Variants in PLXNB1 observed in about 807,000 individuals in gnomAD.
PLXNB1 encodes the protein plexin-B1.
In PLXNB1, 106 loss-of-function variants were observed where a neutral mutation model predicts 209.4. The observed-to-expected ratio is 0.51, with a 90% confidence interval of 0.43 to 0.59. The LOEUF is 0.59. Ranked by LOEUF, PLXNB1 falls within the 20% of genes least tolerant of loss-of-function variation. PLXNB1 has a pLI of 0.00. For missense variants in PLXNB1, 2,357 were observed against 2,853.2 expected (o/e 0.83, Z 3.96); for synonymous variants, 1,167 against 1,183.2 (o/e 0.99, Z 0.28).
In PLXNB1 at chr3:48,411,144, C is replaced by T. The variant is rs1466807295; in HGVS notation, c.5248-108G>A. 4.4e-5 allele frequency: 39 copies of T among 887,550 alleles called. No individual in the cohort carries two copies. The highest frequency in any genetic ancestry group is 3.4e-4 in the Middle Eastern group (1 of 2,940). The allele number at this position is 887,550 out of a possible 1,614,324, so 55.0% of individuals were successfully genotyped here. On this transcript the variant is annotated intron_variant, in intron 28 of 37. Coordinates refer to ENST00000296440, the MANE Select transcript of PLXNB1 (RefSeq NM_001130082.3). This position sits in a 1 kb window ranked among gnomAD's most constrained non-coding sequence, Gnocchi z 4.0. ...GAGAAACTGCTGCCTCCAATCCCCA[C>T]GCACCACACAATCCCTAATTCTCGT...
intron 8 of PLXNB1, 72 bp downstream of exon 8, chr3:48,421,156 C>A: frequency 6.5e-7 from 1 of 1,537,058 alleles, no homozygotes; most frequent in Non-Finnish European, 8.8e-7. Flanking sequence ...TGCCTGGATT[C>A]ACACTTTAAC....
At chr3:48,414,720 C>T in intron 21 of PLXNB1, 79 bp downstream of exon 21, 1 of 1,535,620 alleles carries the variant, frequency 6.5e-7, no homozygotes, top group Non-Finnish European at 8.8e-7. Flanking sequence ...ACTGTCTCGG[C>T]CTCTCCGCCA....
In PLXNB1 at chr3:48,406,088, C is replaced by T. The variant is rs2037303362; in HGVS notation, c.6229-290G>A. 1 of 362,326 alleles carries T rather than the reference C, an allele frequency of 2.8e-6. No individual in the cohort carries two copies. The highest frequency in any genetic ancestry group is 5.3e-6 in the Non-Finnish European group (1 of 189,266). 22.4% of individuals were successfully genotyped at this position (362,326 alleles called of 1,614,324 possible). A position where few individuals can be genotyped will look rare whatever the true frequency, so the allele number is the denominator to read the frequency against. On this transcript the variant is annotated intron_variant, in intron 36 of 37. Coordinates refer to ENST00000296440, the MANE Select transcript of PLXNB1 (RefSeq NM_001130082.3). This position sits in a 1 kb window ranked among gnomAD's most constrained non-coding sequence, Gnocchi z 4.4. ...GTTTCCACTGAAGCCCTGCCTCTCT[C>T]ACCCCCTTGAGGTTCTAGCCCAGAC...
At position 48,410,926 on chromosome 3, in the gene PLXNB1, G is replaced by A. The variant is rs2037641266; in HGVS notation, c.5358C>T (p.Asp1786=). 6.2e-7 allele frequency: 1 copy of A among 1,613,658 alleles called. No individual in the cohort carries two copies. Among genetic ancestry groups the A allele is most frequent in the Non-Finnish European group, 8.5e-7 (1 of 1,179,894 alleles). The change falls in exon 29 of 38, where the codon GAC becomes GAT. Residue 1786 remains aspartate (D), a synonymous_variant. Coordinates refer to ENST00000296440, the MANE Select transcript of PLXNB1 (RefSeq NM_001130082.3). The surrounding 1 kb of genome is among the most constrained non-coding windows in gnomAD (Gnocchi z 6.4). Reference sequence around the variant, plus strand: ...TGAGAGGCACTCCTTTATAAAGCTGGTCCAGCATCTTCTCCTTTGCCTGGG... The same window carrying A: ...TGAGAGGCACTCCTTTATAAAGCTGATCCAGCATCTTCTCCTTTGCCTGGG... ...TISQAKEKML[D]QLYKGVPLTQ... is the part of the protein sequence containing the mutation.
At position 48,410,167 on chromosome 3, in the gene PLXNB1, A is replaced by G. The variant is rs2037578549; in HGVS notation, c.5606-90T>C. 5.4e-6 allele frequency: 8 copies of G among 1,474,784 alleles called. No individual in the cohort carries two copies. The South Asian group carries it at 9.3e-5, about 17-fold the overall frequency. 91.4% of individuals were successfully genotyped at this position (1,474,784 alleles called of 1,614,324 possible). A position where few individuals can be genotyped will look rare whatever the true frequency, so the allele number is the denominator to read the frequency against. On this transcript the variant is annotated intron_variant, in intron 31 of 37. Transcript: ENST00000296440. This position sits in a 1 kb window ranked among gnomAD's most constrained non-coding sequence, Gnocchi z 6.4. ...TGCCAGCTCTCCCAGGGGTGGGGGC[A>G]CCTGGTTGAGGGATTTCCTGGGCCG...
In PLXNB1 at chr3:48,420,653, A is replaced by G. The variant is rs753075371; in HGVS notation, c.2028+12T>C. The G allele has an allele frequency of 2.5e-6, 4 of 1,608,994 alleles. No homozygotes were observed. The highest frequency in any genetic ancestry group is 3.4e-6 in the Non-Finnish European group (4 of 1,175,856). The stretch of plus-strand genomic sequence containing the variant: ...ACCCCCCCGGTATGGCCCAGCCCAA[A>G]GTCACACTCACCTGATGGCTTGCAA... On this transcript the variant is annotated intron_variant, in intron 10 of 37. Transcript: ENST00000296440.
intron 34 of PLXNB1, 63 bp from the exon 35 acceptor site, chr3:48,407,154 G>C: frequency 1.4e-6 from 2 of 1,451,852 alleles, no homozygotes; most frequent in South Asian, 2.3e-5. Flanking sequence ...CTGTTCGAGT[G>C]ATCAAGTGTC....
At chr3:48,426,377 C>A (rs1364555910) in intron 1 of PLXNB1, among the ~76,000 whole-genome samples, 1 of 152,238 alleles carries the variant, frequency 6.6e-6, no homozygotes, top group African/African-American at 2.4e-5. Flanking sequence ...AGTGCTGGGA[C>A]AGACAATGCA....
At chr3:48,426,360 T>C (rs900618827) in intron 1 of PLXNB1, among the ~76,000 whole-genome samples, 1 of 152,150 alleles carries the variant, frequency 6.6e-6, no homozygotes, top group South Asian at 2.1e-4. Flanking sequence ...AGCACCAAGG[T>C]TGGTGAAGTG....
rs765214919 is a variant in PLXNB1 at position 48,422,477 on chromosome 3, A to G, written c.1291-18T>C. ...AAGTAGACCTGGGATCAGAGACCAC[A>G]GGGTCTGGGACCCAAGTCCATGGCC... On this transcript the variant is annotated intron_variant, in intron 4 of 37. Transcript: ENST00000296440. The G allele has an allele frequency of 1.3e-6, 2 of 1,564,636 alleles. No individual in the cohort carries two copies. The highest frequency in any genetic ancestry group is 8.6e-7 in the Non-Finnish European group (1 of 1,157,026).
chr3:48,408,282 G>A (rs1357625644), intron 34 of PLXNB1, among the ~76,000 whole-genome samples: 2 of 152,190 alleles, frequency 1.3e-5, no homozygotes, highest in Non-Finnish European at 2.9e-5. Context: ...CCAAAGTGCT[G>A]GGATTCTAGG....
At position 48,409,779 on chromosome 3, in the gene PLXNB1, G is replaced by A. The variant is rs371215107; in HGVS notation, c.5779-48C>T. ...AGGTGTGGTCAGCAAAGGGCCCTCA[G>A]CAGCAGCCCAGCCTCAGACACCCCC... On this transcript the variant is annotated intron_variant, in intron 32 of 37. Coordinates refer to ENST00000296440, the MANE Select transcript of PLXNB1 (RefSeq NM_001130082.3). This position sits in a 1 kb window ranked among gnomAD's most constrained non-coding sequence, Gnocchi z 5.8. 1.9e-6 allele frequency: 3 copies of A among 1,597,418 alleles called. No individual in the cohort carries two copies. The highest frequency in any genetic ancestry group is 2.7e-5 in the African/African-American group (2 of 74,724).
At position 48,405,830 on chromosome 3, in the gene PLXNB1, G is replaced by C; in HGVS notation, c.6229-32C>G. ...AAGAGGCCAAATGAAAGGTGAGAGA[G>C]ACGAGGGGTGCAGAGAGCCACAGGA... is the stretch of plus-strand genomic sequence containing the variant. On this transcript the variant is annotated intron_variant, in intron 36 of 37. Transcript: ENST00000296440. The surrounding 1 kb of genome is among the most constrained non-coding windows in gnomAD (Gnocchi z 5.0). 1 of 1,585,618 alleles carries C rather than the reference G, an allele frequency of 6.3e-7. No individual in the cohort carries two copies. The highest frequency in any genetic ancestry group is 8.7e-7 in the Non-Finnish European group (1 of 1,156,024).
rs2038785532 is a variant in PLXNB1, at chr3:48,424,628, G to A, written c.-6-11C>T. The A allele has an allele frequency of 1.3e-6, 2 of 1,532,790 alleles. No individual in the cohort carries two copies. The allele number at this position is 1,532,790 out of a possible 1,614,324, so 94.9% of individuals were successfully genotyped here. ...AGCAGGCATGGTCACCTGGCAGGAA[G>A]AGAGGTCGAGAGAGTGGGGCTCACG... is the stretch of plus-strand genomic sequence containing the variant. On this transcript the variant is annotated splice_polypyrimidine_tract_variant and intron_variant, in intron 2 of 37. Transcript: ENST00000296440.
intron 1 of PLXNB1, among the ~76,000 whole-genome samples, chr3:48,425,836 A>G (rs1041321363): frequency 9.0e-5 from 13 of 144,056 alleles, no homozygotes; most frequent in Non-Finnish European, 1.5e-5. Flanking sequence ...ACACACACAC[A>G]GAGAGAGAGA....
At chr3:48,427,451 T>C (rs2038953106) in intron 1 of PLXNB1, among the ~76,000 whole-genome samples, 1 of 152,170 alleles carries the variant, frequency 6.6e-6, no homozygotes, top group Non-Finnish European at 1.5e-5. Flanking sequence ...ACTTAATCTC[T>C]GCCACAGGCC....
In PLXNB1 at chr3:48,416,030, C is replaced by A. The variant is rs2038071210; in HGVS notation, c.3617+1G>T. On this transcript the variant is annotated splice_donor_variant, in intron 18 of 37. Transcript: ENST00000296440. LOFTEE classifies it high-confidence loss of function. The surrounding 1 kb of genome is among the most constrained non-coding windows in gnomAD (Gnocchi z 4.1). ...TTGCAGGATGAGGAAGTGGCCCTCACAAGTGACAAGGCTGGTCTCCAACCA... is the reference window on the plus strand; with the variant it reads ...TTGCAGGATGAGGAAGTGGCCCTCAAAAGTGACAAGGCTGGTCTCCAACCA... The A allele has an allele frequency of 6.2e-7, 1 of 1,603,276 alleles. No individual in the cohort carries two copies. The highest frequency in any genetic ancestry group is 8.5e-7 in the Non-Finnish European group (1 of 1,175,070).
intron 9 of PLXNB1, 23 bp from the exon 10 acceptor site, chr3:48,420,796 G>A: frequency 6.2e-7 from 1 of 1,612,888 alleles, no homozygotes; most frequent in East Asian, 2.2e-5. Context: ...CAGCCATGGG[G>A]CAAGGGTCGC....
Position 48,415,512 on chromosome 3 carries a change from A to G in PLXNB1, c.3794+71T>C. The G allele has an allele frequency of 2.0e-6, 3 of 1,469,072 alleles. No individual in the cohort carries two copies. Among genetic ancestry groups the G allele is most frequent in the Middle Eastern group, 1.8e-4 (1 of 5,568 alleles). 91.0% of individuals were successfully genotyped at this position (1,469,072 alleles called of 1,614,324 possible). Reference sequence around the variant, plus strand: ...TCAGTGCCTCAACATAAAGCCCTACAAACCCCCACATAGTGGAGCTGCAAA... The same window carrying G: ...TCAGTGCCTCAACATAAAGCCCTACGAACCCCCACATAGTGGAGCTGCAAA... On this transcript the variant is annotated intron_variant, in intron 19 of 37. Transcript: ENST00000296440. The surrounding 1 kb of genome is among the most constrained non-coding windows in gnomAD (Gnocchi z 5.0).
Sources: allele counts gnomAD v4.1 joint callset (sites outside exome capture counted in the v4.1 genomes callset), GRCh38; gene constraint gnomAD v4.1.1; non-coding constraint Gnocchi (gnomAD v3.1); transcripts MANE v1.5; gene names NCBI Gene and HGNC (gene_info 2026-07-23, HGNC 2026-07-21).